Variants in AGBL4 observed in about 807,000 individuals in gnomAD.
AGBL4 encodes cytosolic carboxypeptidase 6.
AGBL4 carries 58 observed loss-of-function variants against 66.4 expected under a neutral mutation model. That is an observed-to-expected ratio of 0.87 (90% CI 0.71 to 1.09). The LOEUF (loss-of-function observed/expected upper bound fraction) is 1.09. Among genes scored for constraint, AGBL4 ranks in the 50% least tolerant of loss-of-function variants. The pLI is 0.00. For missense variants in AGBL4, 579 were observed against 631.0 expected (o/e 0.92, Z 0.88); for synonymous variants, 234 against 222.9 (o/e 1.05, Z -0.44).
intron 6 of AGBL4, among the ~76,000 whole-genome samples, chr1:48,782,201 C>T (rs1484735931): frequency 1.3e-5 from 2 of 152,214 alleles, no homozygotes; most frequent in Admixed American, 6.5e-5. Flanking sequence ...ACCCCTCCCC[C>T]GACTCTCTTT....
chr1:48,876,487 C>T (rs1649245564), intron 5 of AGBL4, among the ~76,000 whole-genome samples: 1 of 152,060 alleles, frequency 6.6e-6, no homozygotes, highest in African/African-American at 2.4e-5. Context: ...TCTGCTCTAG[C>T]CCTAAAAGGT....
At chr1:49,794,928 A>G (rs1468238900) in intron 2 of AGBL4, among the ~76,000 whole-genome samples, 1 of 151,968 alleles carries the variant, frequency 6.6e-6, no homozygotes, top group Non-Finnish European at 1.5e-5. Flanking sequence ...TATCTGCTGG[A>G]CAATTGTTTG....
At chr1:50,018,342 G>A (rs1235470371) in intron 1 of AGBL4, among the ~76,000 whole-genome samples, 1 of 152,000 alleles carries the variant, frequency 6.6e-6, no homozygotes. Flanking sequence ...AAATAAATGA[G>A]GAATATAAAA....
At chr1:49,650,868 AG>A (rs1315043371) in intron 3 of AGBL4, among the ~76,000 whole-genome samples, 1 of 152,300 alleles carries the variant, frequency 6.6e-6, no homozygotes, top group East Asian at 1.9e-4. Flanking sequence ...TTGTGGATGT[AG>A]CAGAGGCTTT....
intron 3 of AGBL4, among the ~76,000 whole-genome samples, chr1:49,386,209 A>G (rs956742509): frequency 6.6e-6 from 1 of 151,902 alleles, no homozygotes; most frequent in Admixed American, 6.6e-5. Flanking sequence ...GAATATGTTC[A>G]TTAACCATAT....
intron 3 of AGBL4, among the ~76,000 whole-genome samples, chr1:49,565,737 T>C (rs1644179895): frequency 6.6e-6 from 1 of 152,170 alleles, no homozygotes; most frequent in Non-Finnish European, 1.5e-5. Flanking sequence ...GCCCTTAACA[T>C]TTTTTCCATT....
At chr1:48,647,712 C>T (rs78266384) in intron 8 of AGBL4, 9,214 of 387,538 alleles carry the variant, frequency 0.024, 188 homozygotes, top group Middle Eastern at 0.071. Flanking sequence ...GCTCAGAAAG[C>T]GCCGTGGGGT....
At chr1:48,632,601 T>G (rs1416246339) in intron 9 of AGBL4, among the ~76,000 whole-genome samples, 1 of 152,230 alleles carries the variant, frequency 6.6e-6, no homozygotes, top group African/African-American at 2.4e-5. Flanking sequence ...GTTTGTTTGG[T>G]TTGTTTTTTA....
chr1:48,657,458 A>G (rs1646038768), intron 7 of AGBL4, among the ~76,000 whole-genome samples: 1 of 152,210 alleles, frequency 6.6e-6, no homozygotes, highest in African/African-American at 2.4e-5. Context: ...GCAGCGTGGA[A>G]TGCTGCTAAG....
intron 3 of AGBL4, among the ~76,000 whole-genome samples, chr1:49,573,115 T>C (rs1325607098): frequency 6.7e-6 from 1 of 149,898 alleles, no homozygotes; most frequent in East Asian, 2.0e-4. Flanking sequence ...TAAATTCTCA[T>C]ATATATATAT....
At chr1:49,560,600 C>T (rs912982073) in intron 3 of AGBL4, among the ~76,000 whole-genome samples, 1 of 152,042 alleles carries the variant, frequency 6.6e-6, no homozygotes, top group East Asian at 1.9e-4. Flanking sequence ...AAGATATCAA[C>T]GTCCAAGTAC....
chr1:49,847,246 C>T (rs560301176), intron 2 of AGBL4, among the ~76,000 whole-genome samples: 15 of 152,060 alleles, frequency 9.9e-5, no homozygotes, highest in Non-Finnish European at 1.5e-4. Flanking sequence ...TCTTGGCATA[C>T]ACAAAAATCA....
At chr1:49,406,022 A>G (rs932409441) in intron 3 of AGBL4, among the ~76,000 whole-genome samples, 4 of 152,228 alleles carry the variant, frequency 2.6e-5, no homozygotes, top group Non-Finnish European at 5.9e-5. Flanking sequence ...CTATCCTTCA[A>G]TTCTAGTCTC....
chr1:48,659,854 A>G (rs1016659511), intron 7 of AGBL4, among the ~76,000 whole-genome samples: 5 of 152,252 alleles, frequency 3.3e-5, no homozygotes, highest in Non-Finnish European at 7.3e-5. Context: ...TATTTTCTCT[A>G]TTCCAGACCA....
chr1:49,347,175 T>C (rs893738403), intron 3 of AGBL4, among the ~76,000 whole-genome samples: 2 of 152,124 alleles, frequency 1.3e-5, no homozygotes, highest in African/African-American at 4.8e-5. Context: ...GTACCTAAGG[T>C]TGATGCAATC....
chr1:49,441,577 A>G (rs2148668900), intron 3 of AGBL4, among the ~76,000 whole-genome samples: 1 of 152,168 alleles, frequency 6.6e-6, no homozygotes. Flanking sequence ...CAGAAGATAT[A>G]CCCTTGACGA....
At chr1:49,233,296 AT>A (rs1420736582) in intron 4 of AGBL4, among the ~76,000 whole-genome samples, 1 of 152,266 alleles carries the variant, frequency 6.6e-6, no homozygotes, top group African/African-American at 2.4e-5. Flanking sequence ...ATCTGATTTA[AT>A]TATCATGCTT....
At chr1:48,909,743 C>T (rs1233702375) in intron 5 of AGBL4, among the ~76,000 whole-genome samples, 1 of 152,190 alleles carries the variant, frequency 6.6e-6, no homozygotes, top group Non-Finnish European at 1.5e-5. Flanking sequence ...ACGTACGAAA[C>T]ATACAGAACA....
intron 5 of AGBL4, among the ~76,000 whole-genome samples, chr1:49,015,659 C>T (rs1662765846): frequency 6.6e-6 from 1 of 151,744 alleles, no homozygotes; most frequent in African/African-American, 2.4e-5. Flanking sequence ...CTCCTGACCT[C>T]GTGATCCGCC....
Sources: gnomAD v4.1 joint callset for allele counts (sites outside exome capture counted in the v4.1 genomes callset) on GRCh38, gnomAD v4.1.1 for gene constraint, MANE v1.5 for transcripts, NCBI Gene and HGNC (gene_info 2026-07-23, HGNC 2026-07-21) for gene names.